Variants in ROBO1 observed in about 807,000 individuals in gnomAD.
The protein encoded by ROBO1 is roundabout guidance receptor 1.
A neutral mutation model predicts 195.9 loss-of-function variants in ROBO1; 149 were observed. The ratio of observed to expected loss-of-function variants is 0.76; its 90% CI spans 0.67 to 0.87. ROBO1 has a LOEUF of 0.87. Ranked by LOEUF, ROBO1 falls within the 40% of genes least tolerant of loss-of-function variation. The probability of loss-of-function intolerance (pLI) is 0.00; values close to 1 mark genes in which losing one functional copy is unlikely to be tolerated. For missense variants in ROBO1, 1,933 were observed against 2,068.3 expected (o/e 0.93, Z 1.27); for synonymous variants, 816 against 733.2 (o/e 1.11, Z -1.82).
At chr3:79,694,749 A>G (rs960188469) in intron 1 of ROBO1, among the ~76,000 whole-genome samples, 2 of 151,786 alleles carry the variant, frequency 1.3e-5, no homozygotes, top group African/African-American at 2.4e-5. Context: ...GTAACAACAT[A>G]CAATATATGA....
chr3:78,854,110 T>C (rs1450985947), intron 4 of ROBO1, among the ~76,000 whole-genome samples: 1 of 151,816 alleles, frequency 6.6e-6, no homozygotes, highest in Non-Finnish European at 1.5e-5. Context: ...CAGACTGCCT[T>C]TGGATTCAAG....
At chr3:79,662,181 G>A (rs1463365974) in intron 1 of ROBO1, among the ~76,000 whole-genome samples, 1 of 152,164 alleles carries the variant, frequency 6.6e-6, no homozygotes, top group Non-Finnish European at 1.5e-5. Context: ...CTTGGAATGA[G>A]AATTAGCAGC....
intron 27 of ROBO1, among the ~76,000 whole-genome samples, chr3:78,616,046 C>T (rs960330037): frequency 1.3e-5 from 2 of 152,140 alleles, no homozygotes; most frequent in Non-Finnish European, 2.9e-5. Flanking sequence ...AGTTACATAT[C>T]CATGAAAACA....
intron 3 of ROBO1, among the ~76,000 whole-genome samples, chr3:79,057,140 G>C (rs960301028): frequency 9.9e-5 from 15 of 151,982 alleles, no homozygotes; most frequent in East Asian, 7.8e-4. Flanking sequence ...CCATTCCTGA[G>C]GCTGTTACAG....
intron 2 of ROBO1, among the ~76,000 whole-genome samples, chr3:79,305,538 G>GA (rs1292709112): frequency 7.0e-6 from 1 of 142,446 alleles, no homozygotes; most frequent in Non-Finnish European, 1.5e-5. Context: ...TCTTACTTTT[G>GA]AAAAAATCAA....
intron 1 of ROBO1, among the ~76,000 whole-genome samples, chr3:79,733,979 ACTCT>A (rs1356254790): frequency 2.8e-5 from 4 of 140,872 alleles, no homozygotes; most frequent in African/African-American, 1.1e-4. Flanking sequence ...GACAAAGTTC[ACTCT>A]CTCGCCCAGG....
chr3:79,353,748 T>C (rs1293451956), intron 2 of ROBO1, among the ~76,000 whole-genome samples: 2 of 152,078 alleles, frequency 1.3e-5, no homozygotes, highest in Non-Finnish European at 2.9e-5. Flanking sequence ...AAGGAACAGA[T>C]AAGAAGTTAT....
At chr3:79,555,178 T>G (rs1221529758) in intron 2 of ROBO1, among the ~76,000 whole-genome samples, 1 of 152,114 alleles carries the variant, frequency 6.6e-6, no homozygotes, top group Non-Finnish European at 1.5e-5. Context: ...TGCAGTGCTT[T>G]ACATGATTTA....
rs150918442 is a variant in ROBO1, at chr3:79,074,157, A to C, written c.172+51299T>G. Among the ~76,000 whole-genome samples the C allele has an allele frequency of 1.1e-3, 164 of 151,958 alleles. 4 individuals are homozygous for C. In the East Asian group the frequency reaches 0.031, roughly 29 times the overall value. On this transcript the variant is annotated intron_variant, in intron 3 of 30. Coordinates refer to ENST00000464233, the MANE Select transcript of ROBO1 (RefSeq NM_002941.4). Reference sequence around the variant, plus strand: ...TGGGATCCCTTTCAGATTTGGAAACAACAAAAAAATCCTACCCTTTTTATT... The same window carrying C: ...TGGGATCCCTTTCAGATTTGGAAACCACAAAAAAATCCTACCCTTTTTATT...
At chr3:78,890,637 A>G (rs1246383841) in intron 4 of ROBO1, among the ~76,000 whole-genome samples, 1 of 152,156 alleles carries the variant, frequency 6.6e-6, no homozygotes. Flanking sequence ...CTTTGAACTT[A>G]CTTTTTTAGT....
intron 1 of ROBO1, among the ~76,000 whole-genome samples, chr3:79,670,105 T>C (rs1376990442): frequency 6.6e-6 from 1 of 151,806 alleles, no homozygotes; most frequent in East Asian, 1.9e-4. Flanking sequence ...GAATAAAAAG[T>C]TTTAGAAAAT....
chr3:78,726,360 C>T (rs1481818887), intron 5 of ROBO1, among the ~76,000 whole-genome samples: 2 of 152,106 alleles, frequency 1.3e-5, no homozygotes, highest in African/African-American at 4.8e-5. Flanking sequence ...TAAATTTTTA[C>T]AATTTTCTAA....
In ROBO1 at chr3:78,849,267, C is replaced by T. The variant is rs989640716; in HGVS notation, c.499+89334G>A. Among the ~76,000 whole-genome samples the T allele has an allele frequency of 3.3e-5, 5 of 152,284 alleles. No individual in the cohort carries two copies. The South Asian group carries it at 1.0e-3, about 32-fold the overall frequency. The stretch of plus-strand genomic sequence containing the variant: ...AGTTTAAGGGATCTTAACCAACTCC[C>T]TTCACTTACTTGTAGGGAAACATAG... On this transcript the variant is annotated intron_variant, in intron 4 of 30. Transcript: ENST00000464233.
intron 2 of ROBO1, among the ~76,000 whole-genome samples, chr3:79,154,439 T>C (rs2080824311): frequency 2.0e-5 from 3 of 151,794 alleles, no homozygotes; most frequent in Admixed American, 6.6e-5. Flanking sequence ...TCCCCTTTGT[T>C]TTCTGTATTG....
chr3:79,689,593 A>G (rs1221638978), intron 1 of ROBO1, among the ~76,000 whole-genome samples: 1 of 152,004 alleles, frequency 6.6e-6, no homozygotes, highest in African/African-American at 2.4e-5. Context: ...AAGAGAGCCA[A>G]TTGCAACAGG....
intron 2 of ROBO1, among the ~76,000 whole-genome samples, chr3:79,218,329 T>C (rs1196863691): frequency 6.6e-6 from 1 of 151,938 alleles, no homozygotes; most frequent in East Asian, 1.9e-4. Context: ...GGAATTGGCT[T>C]TAGGGAACAT....
intron 21 of ROBO1, among the ~76,000 whole-genome samples, chr3:78,640,785 C>T (rs927391883): frequency 3.3e-5 from 5 of 151,896 alleles, no homozygotes; most frequent in Non-Finnish European, 5.9e-5. Flanking sequence ...AAAGAGGTGA[C>T]GTCCCATTCA....
chr3:79,641,420 A>G (rs1463762548), intron 1 of ROBO1, among the ~76,000 whole-genome samples: 1 of 152,080 alleles, frequency 6.6e-6, no homozygotes, highest in Admixed American at 6.6e-5. Context: ...ATTTTGAGGG[A>G]TAGCATTGGG....
intron 2 of ROBO1, among the ~76,000 whole-genome samples, chr3:79,292,019 A>G (rs1325526407): frequency 2.0e-5 from 3 of 152,224 alleles, no homozygotes; most frequent in Non-Finnish European, 4.4e-5. Flanking sequence ...AAATTGAAAC[A>G]TAAGAAAATA....
Sources: allele counts gnomAD v4.1 joint callset (sites outside exome capture counted in the v4.1 genomes callset), GRCh38; gene constraint gnomAD v4.1.1; transcripts MANE v1.5; gene names NCBI Gene and HGNC (gene_info 2026-07-23, HGNC 2026-07-21).